Variants in ADAMTS2 observed in about 807,000 individuals in gnomAD.
ADAMTS2 encodes ADAM metallopeptidase with thrombospondin type 1 motif 2, also known as A disintegrin and metalloproteinase with thrombospondin motifs 2.
A neutral mutation model predicts 123.0 loss-of-function variants in ADAMTS2; 50 were observed. That is an observed-to-expected ratio of 0.41 (90% CI 0.32 to 0.51). The LOEUF is 0.51. Among genes scored for constraint, ADAMTS2 ranks in the 20% least tolerant of loss-of-function variants. The pLI is 0.35. For missense variants in ADAMTS2, 1,494 were observed against 1,705.2 expected (o/e 0.88, Z 2.18); for synonymous variants, 678 against 695.4 (o/e 0.98, Z 0.39).
chr5:179,329,848 C>T (rs969459977), intron 2 of ADAMTS2, among the ~76,000 whole-genome samples: 25 of 152,170 alleles, frequency 1.6e-4, no homozygotes, highest in Non-Finnish European at 7.3e-5. Context: ...AGTTTCAGGC[C>T]GGGCGTGGTG....
intron 5 of ADAMTS2, among the ~76,000 whole-genome samples, chr5:179,178,451 C>T (rs1014737663): frequency 3.3e-5 from 5 of 152,256 alleles, no homozygotes; most frequent in Non-Finnish European, 7.3e-5. Flanking sequence ...ATCCCTCCTC[C>T]ACTGATCATC....
intron 13 of ADAMTS2, among the ~76,000 whole-genome samples, chr5:179,133,869 ATTT>A (rs58394791): frequency 1.4e-4 from 20 of 145,170 alleles, no homozygotes; most frequent in African/African-American, 3.3e-4. Context: ...GTCCCAGCTA[ATTT>A]TTTTTTTTTT....
rs1765346047 is a variant in ADAMTS2, at chr5:179,228,826, A to G, written c.689-21111T>C. On this transcript the variant is annotated intron_variant, in intron 3 of 21. Coordinates refer to ENST00000251582, the MANE Select transcript of ADAMTS2 (RefSeq NM_014244.5). This position sits in a 1 kb window ranked among gnomAD's most constrained non-coding sequence, Gnocchi z 5.2. ...AGCATCCACAACTCTGGAGCTAGGAAGCCCGGTGCTCCTTCCCAGAGGAGG... is the reference window on the plus strand; with the variant it reads ...AGCATCCACAACTCTGGAGCTAGGAGGCCCGGTGCTCCTTCCCAGAGGAGG... Among the ~76,000 whole-genome samples the G allele has an allele frequency of 6.6e-6, 1 of 152,248 alleles. No individual in the cohort carries two copies.
Position 179,181,053 on chromosome 5 carries a change from C to T in ADAMTS2, c.975+19G>A. On this transcript the variant is annotated intron_variant, in intron 5 of 21. Transcript: ENST00000251582. The surrounding 1 kb of genome is among the most constrained non-coding windows in gnomAD (Gnocchi z 4.1). ...TCCGAGGGGGTGGAGGCAGGCCCGGCTGGCCACAGTGCACTCACCTTTCCA... is the reference window on the plus strand; with the variant it reads ...TCCGAGGGGGTGGAGGCAGGCCCGGTTGGCCACAGTGCACTCACCTTTCCA... 1 of 1,607,082 alleles carries T rather than the reference C, an allele frequency of 6.2e-7. No individual in the cohort carries two copies. Among genetic ancestry groups the T allele is most frequent in the South Asian group, 1.1e-5 (1 of 90,952 alleles).
intron 10 of ADAMTS2, among the ~76,000 whole-genome samples, chr5:179,148,033 A>G (rs1468295529): frequency 6.6e-6 from 1 of 152,078 alleles, no homozygotes; most frequent in Non-Finnish European, 1.5e-5. Context: ...TGGTAAATCG[A>G]CTTCTGCTTC....
chr5:179,340,909 G>A (rs33898), intron 2 of ADAMTS2, among the ~76,000 whole-genome samples: 18,667 of 152,214 alleles, frequency 0.12, 1,325 homozygotes, highest in Middle Eastern at 0.18. Flanking sequence ...AAACTCTTCC[G>A]CAGCAACGTG....
intron 4 of ADAMTS2, among the ~76,000 whole-genome samples, chr5:179,200,824 A>C (rs1764546386): frequency 6.6e-6 from 1 of 152,200 alleles, no homozygotes; most frequent in Non-Finnish European, 1.5e-5. Context: ...GCGGAATAAA[A>C]CAAAAGGTCA....
At chr5:179,186,485 C>T (rs937227852) in intron 4 of ADAMTS2, among the ~76,000 whole-genome samples, 2 of 152,186 alleles carry the variant, frequency 1.3e-5, no homozygotes, top group Non-Finnish European at 2.9e-5. Flanking sequence ...GAGCCCCGTC[C>T]TGCCCCCTCT....
chr5:179,138,715 A>G (rs1203458355), intron 11 of ADAMTS2, among the ~76,000 whole-genome samples: 16 of 152,128 alleles, frequency 1.1e-4, no homozygotes, highest in Non-Finnish European at 1.5e-5. Context: ...GGATCCATGC[A>G]CGAGCGTGTT....
intron 2 of ADAMTS2, among the ~76,000 whole-genome samples, chr5:179,337,064 G>A (rs767313541): frequency 1.3e-5 from 2 of 152,150 alleles, no homozygotes; most frequent in African/African-American, 2.4e-5. Flanking sequence ...CTCCGGGCTC[G>A]GTAATAACTT....
chr5:179,139,118 G>C (rs575899388), intron 11 of ADAMTS2, among the ~76,000 whole-genome samples: 1 of 152,366 alleles, frequency 6.6e-6, no homozygotes, highest in South Asian at 2.1e-4. Context: ...CGGCGTAAGA[G>C]CCCGCTGCGC....
intron 13 of ADAMTS2, among the ~76,000 whole-genome samples, chr5:179,134,059 C>G (rs1763011672): frequency 6.6e-6 from 1 of 152,180 alleles, no homozygotes; most frequent in African/African-American, 2.4e-5. Flanking sequence ...ATAGCCACAC[C>G]CACGGAGACA....
chr5:179,312,800 C>T lies in ADAMTS2; in HGVS notation c.534+30967G>A, dbSNP rs892738787. Among the ~76,000 whole-genome samples, 18 of 152,322 alleles carry T rather than the reference C, an allele frequency of 1.2e-4. No homozygotes were observed. Among genetic ancestry groups the T allele is most frequent in the African/African-American group, 3.4e-4 (14 of 41,574 alleles). Reference sequence around the variant, plus strand: ...CCTCCCCTAGAGGCTCCGGAGGGAGCGCGGCCCTGCCGCCACCTGCGTTTT... The same window carrying T: ...CCTCCCCTAGAGGCTCCGGAGGGAGTGCGGCCCTGCCGCCACCTGCGTTTT... On this transcript the variant is annotated intron_variant, in intron 2 of 21. Coordinates refer to ENST00000251582, the MANE Select transcript of ADAMTS2 (RefSeq NM_014244.5). The surrounding 1 kb of genome is among the most constrained non-coding windows in gnomAD (Gnocchi z 4.2).
At chr5:179,341,388 G>A in intron 2 of ADAMTS2, 1 of 358,864 alleles carries the variant, frequency 2.8e-6, no homozygotes, top group Non-Finnish European at 5.4e-6. Flanking sequence ...AAAGAGAAGA[G>A]AAGAGAAAGA....
chr5:179,185,680 T>G lies in ADAMTS2; in HGVS notation c.892-4525A>C, dbSNP rs1253811679. 6.6e-6 allele frequency among the ~76,000 whole-genome samples: 1 copy of G among 151,788 alleles called. No individual in the cohort carries two copies. Among genetic ancestry groups the G allele is most frequent in the Non-Finnish European group, 1.5e-5 (1 of 67,974 alleles). On this transcript the variant is annotated intron_variant, in intron 4 of 21. Transcript: ENST00000251582. The surrounding 1 kb of genome is among the most constrained non-coding windows in gnomAD (Gnocchi z 5.9). ...CCTGGGATAGACCGTCAGCCTCACA[T>G]TCTGCTTGGAGGTGGGGTCGAGGCA...
chr5:179,218,693 C>T (rs868399672), intron 3 of ADAMTS2, among the ~76,000 whole-genome samples: 3 of 152,194 alleles, frequency 2.0e-5, no homozygotes, highest in Non-Finnish European at 2.9e-5. Context: ...CATCAGGAAC[C>T]GCTGTGCCGA....
intron 2 of ADAMTS2, among the ~76,000 whole-genome samples, chr5:179,286,705 C>T (rs572318334): frequency 4.6e-5 from 7 of 152,144 alleles, no homozygotes; most frequent in Non-Finnish European, 8.8e-5. Flanking sequence ...CTAGGTTGCT[C>T]GGGCAGCCAT....
intron 3 of ADAMTS2, among the ~76,000 whole-genome samples, chr5:179,235,635 T>A (rs1254586650): frequency 6.6e-6 from 1 of 152,178 alleles, no homozygotes. Context: ...ACGAAAGTGC[T>A]GGTAGGCCAG....
intron 2 of ADAMTS2, among the ~76,000 whole-genome samples, chr5:179,342,898 C>T (rs1757818151): frequency 6.6e-6 from 1 of 152,220 alleles, no homozygotes; most frequent in Non-Finnish European, 1.5e-5. Flanking sequence ...CTCCAGGAAG[C>T]AGAGCTTCCC....
Sources: gnomAD v4.1 joint callset for allele counts (sites outside exome capture counted in the v4.1 genomes callset) on GRCh38, gnomAD v4.1.1 for gene constraint, Gnocchi (gnomAD v3.1) non-coding constraint, MANE v1.5 for transcripts, NCBI Gene and HGNC (gene_info 2026-07-23, HGNC 2026-07-21) for gene names.